MYBBP1A: variants seen among roughly 807,000 people sequenced by gnomAD.
MYBBP1A encodes myb-binding protein 1A.
In MYBBP1A, 147 loss-of-function variants were observed where a neutral mutation model predicts 136.3. The ratio of observed to expected loss-of-function variants is 1.08; its 90% CI spans 0.94 to 1.24. MYBBP1A has a LOEUF of 1.24. MYBBP1A is among the 50% of genes most tolerant of loss of function. MYBBP1A has a pLI of 0.00. For missense variants in MYBBP1A, 2,060 were observed against 1,727.4 expected (o/e 1.19, Z -3.41); for synonymous variants, 947 against 735.8 (o/e 1.29, Z -4.65).
chr17:4,541,655 C>CG, intron 23 of MYBBP1A, 91 bp from the exon 24 acceptor site: 2 of 1,473,690 alleles, frequency 1.4e-6, no homozygotes, highest in Non-Finnish European at 1.9e-6. Context: ...AGGCAGGGAC[C>CG]GTCTCCTGGG....
intron 8 of MYBBP1A, 149 bp from the exon 9 acceptor site, chr17:4,550,502 A>G (rs1907419778): frequency 2.3e-6 from 2 of 866,918 alleles, no homozygotes; most frequent in Non-Finnish European, 3.6e-6. Flanking sequence ...TGTGCCCACT[A>G]CAGGTTAAAT....
rs766552730 is a variant in MYBBP1A at position 4,552,667 on chromosome 17, G to A, written c.562-41C>T. On this transcript the variant is annotated intron_variant, in intron 5 of 25. Transcript: ENST00000254718. This position sits in a 1 kb window ranked among gnomAD's most constrained non-coding sequence, Gnocchi z 4.7. ...GAAGAAATCGTGACTTCCTCTGCGG[G>A]GTGAGCCTGGTGGATCCTGTTCTAC... 2 of 1,582,926 alleles carry A rather than the reference G, an allele frequency of 1.3e-6. No homozygotes were observed. Among genetic ancestry groups the A allele is most frequent in the Non-Finnish European group, 1.7e-6 (2 of 1,160,270 alleles).
chr17:4,544,990 T>TGCCCCCC, intron 17 of MYBBP1A, 36 bp downstream of exon 17: 4 of 699,538 alleles, frequency 5.7e-6, no homozygotes, highest in Non-Finnish European at 7.6e-6. Flanking sequence ...ACCCGAGCCC[T>TGCCCCCC]CCCCGGCCGC....
At chr17:4,553,470 G>A (rs577919527) in intron 5 of MYBBP1A, among the ~76,000 whole-genome samples, 2 of 152,220 alleles carry the variant, frequency 1.3e-5, no homozygotes, top group African/African-American at 2.4e-5. Flanking sequence ...GCTGCTGAGC[G>A]CCTGAAAGGT....
Position 4,553,908 on chromosome 17 carries a change from C to T in MYBBP1A, c.463G>A (p.Ala155Thr). The T allele has an allele frequency of 6.2e-7, 1 of 1,614,072 alleles. No homozygotes were observed. Among genetic ancestry groups the T allele is most frequent in the Non-Finnish European group, 8.5e-7 (1 of 1,180,010 alleles). Residue 155 changes from alanine to threonine, a missense_variant, in exon 5 of 26, where the codon GCA becomes ACA. By Grantham distance (58) the Ala-to-Thr change is moderately conservative. Transcript: ENST00000254718. ...QSGRLVKDQE[A>T]LMKSVKLLQA... Reference sequence around the variant, plus strand: ...AGCAGCTTCACCGACTTCATCAGTGCCTCCTGGTCCTGGTCCCCACAGAGG... The same window carrying T: ...AGCAGCTTCACCGACTTCATCAGTGTCTCCTGGTCCTGGTCCCCACAGAGG...
At position 4,555,365 on chromosome 17, in the gene MYBBP1A, GC is replaced by G. The variant is rs759699488; in HGVS notation, c.-42del. 1 of 1,557,686 alleles carries G rather than the reference GC, an allele frequency of 6.4e-7. No homozygotes were observed. Among genetic ancestry groups the G allele is most frequent in the South Asian group, 1.2e-5 (1 of 85,078 alleles). On this transcript the variant is annotated 5_prime_UTR_variant, in exon 1 of 26. Transcript: ENST00000254718. ...CGAAACACGAAACACGTGTGCTCCG[GC>G]CCCAGCCGCTTCCAGGTCAGGGCAC...
chr17:4,542,175 A>C (rs112233384), intron 22 of MYBBP1A: 9,731 of 585,428 alleles, frequency 0.017, 490 homozygotes, highest in African/African-American at 0.13. Flanking sequence ...CCCTGGCACC[A>C]GAGCAGACAC....
At position 4,553,814 on chromosome 17, in the gene MYBBP1A, G is replaced by C; in HGVS notation, c.557C>G (p.Ser186Cys). ...QPRKALVDILSEVSKATLQEI... is the reference protein window; with the variant it reads ...QPRKALVDILCEVSKATLQEI... ...GCACAGCTGGGGAGCTCATACCTCG[G>C]AGAGGATGTCCACCAGGGCCTTCCG... The change falls in exon 5 of 26, where the codon TCC (serine) becomes TGC (cysteine). Residue 186 changes from serine to cysteine, a missense_variant. Physicochemically the swap from Ser to Cys is moderately radical, Grantham distance 112. Transcript: ENST00000254718. 1 of 1,613,872 alleles carries C rather than the reference G, an allele frequency of 6.2e-7. No homozygotes were observed. The highest frequency in any genetic ancestry group is 8.5e-7 in the Non-Finnish European group (1 of 1,179,914).
At chr17:4,545,466 A>T in intron 15 of MYBBP1A, 121 bp from the exon 16 acceptor site, 2 of 1,504,196 alleles carry the variant, frequency 1.3e-6, no homozygotes, top group Non-Finnish European at 1.8e-6. Flanking sequence ...AGAGGCGGCC[A>T]GGCCAGGCCA....
rs761374426 is a variant in MYBBP1A, at chr17:4,545,940, G to C, written c.1827C>G (p.Ser609=). The C allele has an allele frequency of 5.6e-6, 9 of 1,612,946 alleles. No homozygotes were observed. The highest frequency in any genetic ancestry group is 7.6e-6 in the Non-Finnish European group (9 of 1,179,870). ...CCAGCAGGTCACAGCTCTCTGCAGG[G>C]GACTGCGGGCAGGGTAGGACACACA... ...LLLVGIHLLK[S]PAESCDLLGD... Residue 609 remains serine (S), a splice_region_variant and synonymous_variant, in exon 14 of 26, where the codon TCC becomes TCG. Transcript: ENST00000254718.
chr17:4,540,019 C>A lies in MYBBP1A; in HGVS notation c.3435-52G>T, dbSNP rs370658119. ...GGTGCCCATCGAGGGCAGCAGCCAC[C>A]GCCACCGCGACTGCTACCTCCACCT... On this transcript the variant is annotated intron_variant, in intron 25 of 25. Transcript: ENST00000254718. 7 of 1,554,400 alleles carry A rather than the reference C, an allele frequency of 4.5e-6. No homozygotes were observed. The African/African-American group carries it at 9.5e-5, about 21-fold the overall frequency.
chr17:4,540,119 T>G, intron 25 of MYBBP1A, 152 bp from the exon 26 acceptor site: 1 of 1,156,998 alleles, frequency 8.6e-7, no homozygotes, highest in Non-Finnish European at 1.2e-6. Flanking sequence ...CCTATGAGGG[T>G]CCTGCGAGGC....
chr17:4,554,234 C>T lies in MYBBP1A; in HGVS notation c.339G>A (p.Gln113=), dbSNP rs1907817059. The part of the protein sequence containing the change: ...FEDLPLCSIL[Q]QIQEKYDLHQ... The stretch of plus-strand genomic sequence containing the variant: ...GCAGGTCATATTTTTCTTGTATCTG[C>T]TGCAGGATGCTGCACAAGGGGAGGT... The change falls in exon 3 of 26, where the codon CAG becomes CAA. Residue 113 remains glutamine (Q), a synonymous_variant. Transcript: ENST00000254718. 1 of 1,614,088 alleles carries T rather than the reference C, an allele frequency of 6.2e-7. No individual in the cohort carries two copies. The highest frequency in any genetic ancestry group is 8.5e-7 in the Non-Finnish European group (1 of 1,180,014).
Position 4,548,380 on chromosome 17 carries a change from C to T in MYBBP1A, c.1557-70G>A, listed in dbSNP as rs1045602974. ...ATGTAGCCGCCTCCCTCCGCCCTCC[C>T]CAGGGCTCGGTCTCCCGCCTCTCCA... On this transcript the variant is annotated intron_variant, in intron 11 of 25. Transcript: ENST00000254718. This position sits in a 1 kb window ranked among gnomAD's most constrained non-coding sequence, Gnocchi z 4.2. The T allele has an allele frequency of 4.4e-6, 7 of 1,601,878 alleles. No individual in the cohort carries two copies. Among genetic ancestry groups the T allele is most frequent in the Middle Eastern group, 1.7e-4 (1 of 5,836 alleles).
In MYBBP1A at chr17:4,552,449, A is replaced by G; in HGVS notation, c.737+2T>C. The G allele has an allele frequency of 1.2e-6, 2 of 1,612,488 alleles. No homozygotes were observed. The highest frequency in any genetic ancestry group is 1.1e-5 in the South Asian group (1 of 91,020). ...GGGCAAATCCGCCCACCTCCATCAC[A>G]CCTGGGGACATTCTCATCTGAGAAT... On this transcript the variant is annotated splice_donor_variant, in intron 6 of 25. Coordinates refer to ENST00000254718, the MANE Select transcript of MYBBP1A (RefSeq NM_014520.4). LOFTEE classifies it high-confidence loss of function. This position sits in a 1 kb window ranked among gnomAD's most constrained non-coding sequence, Gnocchi z 4.7.
chr17:4,553,612 CAGAT>C (rs1274920661), intron 5 of MYBBP1A, among the ~76,000 whole-genome samples, 194 bp downstream of exon 5: 9 of 152,196 alleles, frequency 5.9e-5, no homozygotes, highest in African/African-American at 1.9e-4. Context: ...TTAGATATAC[CAGAT>C]AAAGTCAAAT....
At chr17:4,549,565 T>C in intron 9 of MYBBP1A, 123 bp from the exon 10 acceptor site, 1 of 781,582 alleles carries the variant, frequency 1.3e-6, no homozygotes, top group Non-Finnish European at 2.1e-6. Flanking sequence ...TCACTCGAGG[T>C]CAGGAGTTCG....
chr17:4,546,016 CA>C, intron 13 of MYBBP1A, 74 bp from the exon 14 acceptor site: 2 of 1,375,332 alleles, frequency 1.5e-6, no homozygotes, highest in Non-Finnish European at 2.0e-6. Flanking sequence ...AGGGGCTGGC[CA>C]AATGGCAGCA....
rs771767938 is a variant in MYBBP1A at position 4,552,313 on chromosome 17, AG to A, written c.738-22del. On this transcript the variant is annotated intron_variant, in intron 6 of 25. Coordinates refer to ENST00000254718, the MANE Select transcript of MYBBP1A (RefSeq NM_014520.4). This position sits in a 1 kb window ranked among gnomAD's most constrained non-coding sequence, Gnocchi z 4.7. Reference sequence around the variant, plus strand: ...CCAGCCTGCGGAGGGCAAGGGACTCAGGGAACACTTGCCTCACAGGCAAGGG... The same window carrying A: ...CCAGCCTGCGGAGGGCAAGGGACTCAGGAACACTTGCCTCACAGGCAAGGG... The A allele has an allele frequency of 6.2e-7, 1 of 1,613,342 alleles. No individual in the cohort carries two copies. Among genetic ancestry groups the A allele is most frequent in the Non-Finnish European group, 8.5e-7 (1 of 1,179,798 alleles).
Sources: gnomAD v4.1 joint callset for allele counts (sites outside exome capture counted in the v4.1 genomes callset) on GRCh38, gnomAD v4.1.1 for gene constraint, Gnocchi (gnomAD v3.1) non-coding constraint, MANE v1.5 for transcripts, NCBI Gene and HGNC (gene_info 2026-07-23, HGNC 2026-07-21) for gene names.